Variants in ANKRD30BL observed in about 807,000 individuals in gnomAD.
ANKRD30BL encodes ankyrin repeat domain 30B like.
Under a neutral mutation model 18.4 loss-of-function variants are expected in ANKRD30BL, and 20 were observed. The observed-to-expected ratio is 1.09, with a 90% CI of 0.77 to 1.58. ANKRD30BL has a LOEUF of 1.58. ANKRD30BL is among the 40% of genes most tolerant of loss of function. ANKRD30BL has a pLI of 0.00. For synonymous variants in ANKRD30BL, 72 were observed against 100.9 expected (o/e 0.71, Z 1.72); for missense variants, 224 against 268.6 (o/e 0.83, Z 1.16).
chr2:132,232,109 C>G (rs1448249568), intron 1 of ANKRD30BL, among the ~76,000 whole-genome samples: 5 of 152,138 alleles, frequency 3.3e-5, no homozygotes, highest in African/African-American at 1.2e-4. Context: ...TTCCAACAGA[C>G]CTGCAGCTAA....
At chr2:132,241,456 G>T (rs372814273) in intron 1 of ANKRD30BL, among the ~76,000 whole-genome samples, 3 of 151,788 alleles carry the variant, frequency 2.0e-5, no homozygotes, top group African/African-American at 7.2e-5. Context: ...CACTCTTTTT[G>T]TATTATCTGG....
At chr2:132,238,587 T>C (rs1680226155) in intron 1 of ANKRD30BL, among the ~76,000 whole-genome samples, 2 of 151,940 alleles carry the variant, frequency 1.3e-5, no homozygotes, top group African/African-American at 2.4e-5. Flanking sequence ...CTTGGTGCTC[T>C]TTGAAGCCTA....
intron 1 of ANKRD30BL, among the ~76,000 whole-genome samples, chr2:132,243,366 G>A (rs1340458431): frequency 6.6e-6 from 1 of 151,580 alleles, no homozygotes; most frequent in Non-Finnish European, 1.5e-5. Context: ...GGAGTGATAT[G>A]AGACCTATGG....
At chr2:132,211,351 G>A (rs545868605) in intron 1 of ANKRD30BL, among the ~76,000 whole-genome samples, 1 of 151,956 alleles carries the variant, frequency 6.6e-6, no homozygotes, top group East Asian at 1.9e-4. Flanking sequence ...TCTGCCAGTG[G>A]TTATTTTGAG....
At chr2:132,176,289 G>A (rs997044016) in intron 1 of ANKRD30BL, among the ~76,000 whole-genome samples, 4 of 151,530 alleles carry the variant, frequency 2.6e-5, no homozygotes, top group Non-Finnish European at 5.9e-5. Context: ...CAGCACTTTG[G>A]GAGGCTGAGG....
intron 1 of ANKRD30BL, among the ~76,000 whole-genome samples, chr2:132,181,068 T>G (rs1446694771): frequency 6.6e-6 from 1 of 151,822 alleles, no homozygotes; most frequent in African/African-American, 2.4e-5. Flanking sequence ...TGCTTGAACC[T>G]GAGAGGCCGA....
intron 1 of ANKRD30BL, among the ~76,000 whole-genome samples, chr2:132,250,113 C>A (rs371146413): frequency 6.6e-6 from 1 of 152,048 alleles, no homozygotes; most frequent in Non-Finnish European, 1.5e-5. Flanking sequence ...CCACACATCA[C>A]AAAGTAGTTT....
At chr2:132,154,507 A>G (rs1687847243) in intron 4 of ANKRD30BL, among the ~76,000 whole-genome samples, 155 bp downstream of exon 4, 1 of 152,198 alleles carries the variant, frequency 6.6e-6, no homozygotes, top group African/African-American at 2.4e-5. Flanking sequence ...ACCAGTCCAA[A>G]TAATTGCTTT....
intron 1 of ANKRD30BL, among the ~76,000 whole-genome samples, chr2:132,227,778 C>A (rs202020606): frequency 0.014 from 2,060 of 152,196 alleles, 41 homozygotes; most frequent in African/African-American, 0.047. Flanking sequence ...GTGCCTTCAA[C>A]TCAAATAGCT....
chr2:132,165,281 A>G (rs990707942), upstream of ANKRD30BL, among the ~76,000 whole-genome samples: 2 of 149,794 alleles, frequency 1.3e-5, no homozygotes, highest in African/African-American at 4.9e-5. Context: ...CCATTCATCA[A>G]TTATGAGACC....
At chr2:132,181,356 C>T (rs1266294313) in intron 1 of ANKRD30BL, among the ~76,000 whole-genome samples, 1 of 151,770 alleles carries the variant, frequency 6.6e-6, no homozygotes, top group Non-Finnish European at 1.5e-5. Flanking sequence ...TGCCTGTAAT[C>T]CCAGCTACCT....
chr2:132,204,721 C>G (rs1351271383), intron 1 of ANKRD30BL, among the ~76,000 whole-genome samples: 1 of 152,002 alleles, frequency 6.6e-6, no homozygotes, highest in Non-Finnish European at 1.5e-5. Context: ...AAGGAAGAGT[C>G]AAGGTATATA....
intron 5 of ANKRD30BL, among the ~76,000 whole-genome samples, chr2:132,148,455 C>T (rs1398686511): frequency 3.6e-4 from 53 of 147,310 alleles, no homozygotes; most frequent in African/African-American, 1.3e-3. Flanking sequence ...CTGCAACCTC[C>T]GCCTCCTAGG....
At chr2:132,209,316 G>C (rs1320442938) in intron 1 of ANKRD30BL, among the ~76,000 whole-genome samples, 1 of 151,340 alleles carries the variant, frequency 6.6e-6, no homozygotes, top group Non-Finnish European at 1.5e-5. Context: ...GGAGGGCTTT[G>C]GGACCTCTAG....
chr2:132,228,694 T>C (rs1486779347), intron 1 of ANKRD30BL, among the ~76,000 whole-genome samples: 2 of 148,688 alleles, frequency 1.3e-5, no homozygotes, highest in Non-Finnish European at 2.9e-5. Flanking sequence ...ATTGAGAGTT[T>C]GGAAGCACTC....
intron 1 of ANKRD30BL, among the ~76,000 whole-genome samples, chr2:132,234,426 T>A (rs901194710): frequency 3.3e-5 from 5 of 151,450 alleles, no homozygotes; most frequent in Admixed American, 3.3e-4. Flanking sequence ...TCAACAAAAT[T>A]GATAGACAGC....
intron 1 of ANKRD30BL, among the ~76,000 whole-genome samples, chr2:132,201,690 G>C (rs940264059): frequency 0.017 from 2,655 of 152,266 alleles, 87 homozygotes; most frequent in African/African-American, 0.06. Flanking sequence ...TTACACTGTT[G>C]GTGGGACTGT....
chr2:132,238,719 A>C (rs554396955), intron 1 of ANKRD30BL, among the ~76,000 whole-genome samples: 1 of 151,574 alleles, frequency 6.6e-6, no homozygotes, highest in Non-Finnish European at 1.5e-5. Flanking sequence ...GTTTTGAAAC[A>C]CTCATTTTTT....
intron 1 of ANKRD30BL, among the ~76,000 whole-genome samples, chr2:132,169,532 A>G (rs1176839670): frequency 6.6e-6 from 1 of 151,664 alleles, no homozygotes; most frequent in Non-Finnish European, 1.5e-5. Flanking sequence ...CTGTAGTCTC[A>G]TCTATTCAGG....
Sources: allele counts gnomAD v4.1 joint callset (sites outside exome capture counted in the v4.1 genomes callset), GRCh38; gene constraint gnomAD v4.1.1; transcripts MANE v1.5; gene names NCBI Gene and HGNC (gene_info 2026-07-23, HGNC 2026-07-21).